The following CACNB4 variants were observed in gnomAD, a reference collection of about 807,000 sequenced individuals.
The protein encoded by CACNB4 is voltage-dependent L-type calcium channel subunit beta-4.
CACNB4 carries 32 observed loss-of-function variants against 71.2 expected under a neutral mutation model. That is an observed-to-expected ratio of 0.45 (90% CI 0.34 to 0.60). The LOEUF is 0.60. Among genes scored for constraint, CACNB4 ranks in the 20% least tolerant of loss-of-function variants. The probability of loss-of-function intolerance (pLI) is 0.01; values close to 1 mark genes in which losing one functional copy is unlikely to be tolerated. For synonymous variants in CACNB4, 231 were observed against 236.9 expected, an observed-to-expected ratio of 0.97 and a Z score of 0.23; for missense variants, 464 against 647.9, an observed-to-expected ratio of 0.72 and a Z score of 3.08.
intron 4 of CACNB4, among the ~76,000 whole-genome samples, chr2:151,878,204 G>GTATATA (rs3068791): frequency 1.3e-5 from 2 of 149,928 alleles, no homozygotes; most frequent in African/African-American, 4.9e-5. Flanking sequence ...GTCTGTGTGT[G>GTATATA]TATATATATA....
At chr2:151,939,547 C>T (rs529092049) in intron 2 of CACNB4, among the ~76,000 whole-genome samples, 3 of 152,182 alleles carry the variant, frequency 2.0e-5, no homozygotes, top group African/African-American at 7.2e-5. Context: ...AGGCATCACC[C>T]GTGACCATTT....
intron 2 of CACNB4, among the ~76,000 whole-genome samples, chr2:151,945,029 TA>T (rs1202957008): frequency 1.3e-5 from 2 of 152,008 alleles, no homozygotes; most frequent in Non-Finnish European, 1.5e-5. Context: ...GGAGATGGGG[TA>T]GGGGTGTAAG....
In CACNB4 at chr2:151,847,099, C is replaced by CAAA. The variant is rs397766580; in HGVS notation, c.1117-5014_1117-5012dup. Among the ~76,000 whole-genome samples, 153 of 79,720 alleles carry CAAA rather than the reference C, an allele frequency of 1.9e-3. 1 individual carries two copies. The highest frequency in any genetic ancestry group is 7.9e-3 in the East Asian group (22 of 2,770). 52.3% of individuals were successfully genotyped at this position (79,720 alleles called of 152,430 possible). On this transcript the variant is annotated intron_variant, in intron 12 of 13. Transcript: ENST00000539935. ...AATATAGAGACCCTGAAACTGACAC[C>CAAA]AAAAAAAAAAAAAAAAAAAAAGATT...
chr2:151,970,337 A>G (rs1554365), intron 2 of CACNB4: 37,353 of 152,104 alleles, frequency 0.25, 4,795 homozygotes, highest in Middle Eastern at 0.44. Context: ...TATATTAACA[A>G]TGACTATTTC....
At chr2:152,069,867 G>A (rs1686576521) in intron 2 of CACNB4, among the ~76,000 whole-genome samples, 1 of 137,470 alleles carries the variant, frequency 7.3e-6, no homozygotes, top group African/African-American at 2.8e-5. Flanking sequence ...TTTGGAGATG[G>A]AGTCTCGCTC....
intron 2 of CACNB4, among the ~76,000 whole-genome samples, chr2:152,058,286 G>A (rs536777742): frequency 4.6e-5 from 7 of 152,322 alleles, no homozygotes; most frequent in African/African-American, 1.7e-4. Context: ...GGGGGGTACT[G>A]CTATAAAGAC....
At position 151,935,596 on chromosome 2, in the gene CACNB4, C is replaced by T. The variant is rs1578867257; in HGVS notation, c.148-52226G>A. The stretch of plus-strand genomic sequence containing the variant: ...CTATAACTAAATTTTTAGAAACAAT[C>T]ATTACAGTAGTTACAGACAAATCCA... On this transcript the variant is annotated intron_variant, in intron 2 of 13. Coordinates refer to ENST00000539935, the MANE Select transcript of CACNB4 (RefSeq NM_000726.5). Among the ~76,000 whole-genome samples, 5 of 152,298 alleles carry T rather than the reference C, an allele frequency of 3.3e-5. 1 individual carries two copies. The highest frequency in any genetic ancestry group is 3.3e-4 in the Admixed American group (5 of 15,294).
At chr2:151,839,814 T>C (rs900551478) in intron 13 of CACNB4, among the ~76,000 whole-genome samples, 3 of 152,228 alleles carry the variant, frequency 2.0e-5, no homozygotes, top group African/African-American at 7.2e-5. Flanking sequence ...ACACCTCACC[T>C]TGATCTAACT....
At chr2:151,849,099 C>T (rs534711126) in intron 12 of CACNB4, among the ~76,000 whole-genome samples, 15 of 152,208 alleles carry the variant, frequency 9.9e-5, no homozygotes, top group South Asian at 4.1e-4. Context: ...GAATGGGCAA[C>T]GAGAGGAAAG....
intron 12 of CACNB4, among the ~76,000 whole-genome samples, chr2:151,849,907 C>T (rs1019276146): frequency 6.6e-5 from 10 of 152,090 alleles, no homozygotes; most frequent in African/African-American, 1.2e-4. Context: ...CATGCCTCTA[C>T]GAAGTTTGAT....
At chr2:151,913,765 C>CA (rs35438699) in intron 2 of CACNB4, among the ~76,000 whole-genome samples, 13,129 of 120,456 alleles carry the variant, frequency 0.11, 1,512 homozygotes, top group East Asian at 0.55. Context: ...GACTCCATCT[C>CA]AAAAAAAAAA....
chr2:151,904,244 T>C (rs993138388), intron 2 of CACNB4, among the ~76,000 whole-genome samples: 2 of 152,214 alleles, frequency 1.3e-5, no homozygotes, highest in South Asian at 4.1e-4. Flanking sequence ...TCATTAATTT[T>C]ACTAAAGATT....
intron 2 of CACNB4, among the ~76,000 whole-genome samples, chr2:151,995,962 C>T (rs561870965): frequency 6.6e-6 from 1 of 152,334 alleles, no homozygotes; most frequent in East Asian, 1.9e-4. Flanking sequence ...AGTTCAAAGT[C>T]TGCAAAGAGA....
Position 152,098,197 on chromosome 2 carries a change from G to A in CACNB4, c.147+133C>T. 4.5e-6 allele frequency: 3 copies of A among 661,858 alleles called. No individual in the cohort carries two copies. Among genetic ancestry groups the A allele is most frequent in the Non-Finnish European group, 7.9e-6 (3 of 377,994 alleles). 41.0% of individuals were successfully genotyped at this position (661,858 alleles called of 1,614,324 possible). ...GGGAGAGGGACTGAGCCCGAGCACC[G>A]GCCGAGGCCGGGAAGAGACGCGCGC... On this transcript the variant is annotated intron_variant, in intron 2 of 13. Transcript: ENST00000539935. This position sits in a 1 kb window ranked among gnomAD's most constrained non-coding sequence, Gnocchi z 5.3.
intron 2 of CACNB4, among the ~76,000 whole-genome samples, chr2:151,952,735 G>A (rs1455522181): frequency 6.6e-6 from 1 of 152,136 alleles, no homozygotes; most frequent in East Asian, 1.9e-4. Flanking sequence ...CATCGAGAAA[G>A]GATTGTGACA....
intron 2 of CACNB4, among the ~76,000 whole-genome samples, chr2:151,917,988 T>C (rs2099857977): frequency 6.6e-6 from 1 of 152,148 alleles, no homozygotes; most frequent in African/African-American, 2.4e-5. Context: ...AGGAGGTCTT[T>C]TATCTTAACT....
At chr2:151,880,982 A>G in intron 3 of CACNB4, 60 bp from the exon 4 acceptor site, 1 of 1,497,210 alleles carries the variant, frequency 6.7e-7, no homozygotes, top group Non-Finnish European at 9.0e-7. Context: ...CATTTTTCAT[A>G]TTGAAACTCT....
chr2:151,937,097 C>CTGA (rs1338835888), intron 2 of CACNB4, among the ~76,000 whole-genome samples: 2 of 152,214 alleles, frequency 1.3e-5, no homozygotes, highest in Non-Finnish European at 2.9e-5. Context: ...AACCCAGTTT[C>CTGA]AGCAACAAAT....
rs201495306 is a variant in CACNB4 at position 151,878,005 on chromosome 2, CTATTGTT to C, written c.391-1456_391-1450del. 6.5e-3 allele frequency among the ~76,000 whole-genome samples: 992 copies of C among 152,244 alleles called. 10 individuals carry two copies. The highest frequency in any genetic ancestry group is 0.022 in the African/African-American group (902 of 41,514). ...CACTTCTACAAAATAGATACCAGCT[CTATTGTT>C]TAAACTCTCTGGAGATGATTCTAAA... On this transcript the variant is annotated intron_variant, in intron 4 of 13. Transcript: ENST00000539935.
Sources: allele counts gnomAD v4.1 joint callset (sites outside exome capture counted in the v4.1 genomes callset), GRCh38; gene constraint gnomAD v4.1.1; non-coding constraint Gnocchi (gnomAD v3.1); transcripts MANE v1.5; gene names NCBI Gene and HGNC (gene_info 2026-07-23, HGNC 2026-07-21).